The following EIF2A variants were observed in gnomAD, a reference collection of about 807,000 sequenced individuals.
The protein encoded by EIF2A is eukaryotic translation initiation factor 2A.
A neutral mutation model predicts 75.2 loss-of-function variants in EIF2A; 62 were observed. The ratio of observed to expected loss-of-function variants is 0.82; its 90% CI spans 0.67 to 1.02. The LOEUF is 1.02. EIF2A is among the 50% of genes least tolerant of loss of function. The probability of loss-of-function intolerance (pLI) is 0.00; values close to 1 mark genes in which losing one functional copy is unlikely to be tolerated. For synonymous variants in EIF2A, 207 were observed against 239.0 expected (o/e 0.87, Z 1.23); for missense variants, 611 against 677.7 (o/e 0.90, Z 1.09).
intron 2 of EIF2A, among the ~76,000 whole-genome samples, chr3:150,554,610 A>G (rs1723470179): frequency 6.6e-6 from 1 of 152,136 alleles, no homozygotes; most frequent in Non-Finnish European, 1.5e-5. Flanking sequence ...CAAATTCCCC[A>G]GTGATACTGA....
intron 12 of EIF2A, 103 bp downstream of exon 12, chr3:150,581,849 T>C: frequency 4.4e-6 from 6 of 1,352,204 alleles, no homozygotes; most frequent in Non-Finnish European, 6.0e-6. Flanking sequence ...AAGAAGTTGG[T>C]ATCAGCAGTT....
At chr3:150,550,488 G>A (rs749695061) in intron 1 of EIF2A, among the ~76,000 whole-genome samples, 1 of 152,070 alleles carries the variant, frequency 6.6e-6, no homozygotes, top group African/African-American at 2.4e-5. Flanking sequence ...AAATTAAACT[G>A]TATATGCTTT....
chr3:150,570,544 T>A (rs1724447081), intron 9 of EIF2A, among the ~76,000 whole-genome samples: 1 of 145,156 alleles, frequency 6.9e-6, no homozygotes, highest in East Asian at 2.0e-4. Flanking sequence ...GCAGTCTTGG[T>A]GACAAAATGA....
intron 1 of EIF2A, among the ~76,000 whole-genome samples, chr3:150,551,882 G>A (rs1048036307): frequency 2.0e-5 from 3 of 151,998 alleles, no homozygotes; most frequent in Non-Finnish European, 2.9e-5. Context: ...TGTTCTCTTA[G>A]TTTGATAAAT....
chr3:150,568,432 AATT>A, intron 9 of EIF2A, 140 bp downstream of exon 9: 1 of 662,130 alleles, frequency 1.5e-6, no homozygotes, highest in Non-Finnish European at 2.3e-6. Flanking sequence ...AATTTTTCTT[AATT>A]AAGAAACTTA....
chr3:150,570,187 G>GA (rs1192759297), intron 9 of EIF2A, among the ~76,000 whole-genome samples: 2 of 151,928 alleles, frequency 1.3e-5, no homozygotes, highest in Admixed American at 6.6e-5. Flanking sequence ...GTACTAAGGG[G>GA]AAAAAATAAT....
chr3:150,564,953 T>TA (rs1337652967), intron 6 of EIF2A: 1 of 177,422 alleles, frequency 5.6e-6, no homozygotes, highest in Non-Finnish European at 1.2e-5. Context: ...TTGCAAATGT[T>TA]ACAATTTTTT....
intron 10 of EIF2A, among the ~76,000 whole-genome samples, chr3:150,574,399 C>A (rs1207451046): frequency 6.6e-6 from 1 of 152,112 alleles, no homozygotes; most frequent in Non-Finnish European, 1.5e-5. Flanking sequence ...CTTCTTGTAT[C>A]ATTTTTCATC....
intron 3 of EIF2A, among the ~76,000 whole-genome samples, chr3:150,562,126 A>C (rs1723904872): frequency 6.6e-6 from 1 of 152,096 alleles, no homozygotes. Context: ...ATTTTTATGA[A>C]AAATGAACAT....
At chr3:150,550,437 G>GTT (rs1418984870) in intron 1 of EIF2A, among the ~76,000 whole-genome samples, 2 of 152,082 alleles carry the variant, frequency 1.3e-5, no homozygotes, top group Non-Finnish European at 2.9e-5. Flanking sequence ...CTGATTTTGT[G>GTT]TTTTTTTCTA....
chr3:150,571,832 G>A (rs939825079), intron 9 of EIF2A, 126 bp from the exon 10 acceptor site: 1 of 807,176 alleles, frequency 1.2e-6, no homozygotes, highest in South Asian at 2.0e-5. Flanking sequence ...GTATTTTAAT[G>A]TTAACATTCC....
chr3:150,547,159 C>T, intron 1 of EIF2A: 1 of 373,316 alleles, frequency 2.7e-6, no homozygotes. Flanking sequence ...TACACGGGCC[C>T]TTGTGAAGTC....
Position 150,567,707 on chromosome 3 carries a change from A to C in EIF2A, c.490A>C (p.Lys164Gln), listed in dbSNP as rs778585415. 6 of 1,544,516 alleles carry C rather than the reference A, an allele frequency of 3.9e-6. No homozygotes were observed. The highest frequency in any genetic ancestry group is 5.3e-6 in the Non-Finnish European group (6 of 1,142,642). The change falls in exon 7 of 14, where the codon AAA (lysine) becomes CAA (glutamine). Residue 164 changes from lysine to glutamine, a missense_variant. By Grantham distance (53) the Lys-to-Gln change is moderately conservative. Coordinates refer to ENST00000460851, the MANE Select transcript of EIF2A (RefSeq NM_032025.5). ...CTTTTTTTTAGACACAATTGCAAAT[A>C]AATTGCATTTGCAAAAAATTAATGA... Reference protein sequence around the residue: ...ENNNFNTIANKLHLQKINDFV... With the variant: ...ENNNFNTIANQLHLQKINDFV...
At chr3:150,558,000 C>T (rs934782793) in intron 2 of EIF2A, among the ~76,000 whole-genome samples, 1 of 152,186 alleles carries the variant, frequency 6.6e-6, no homozygotes, top group African/African-American at 2.4e-5. Context: ...TAAACATCTT[C>T]ACTTCGGAGA....
chr3:150,584,197 AG>A lies in EIF2A; in HGVS notation c.*289del. ...AGACAAGTGTCATTTTTTTTTGTAGAGGGTGATATATACCATGTAAATGAAC... is the reference window on the plus strand; with the variant it reads ...AGACAAGTGTCATTTTTTTTTGTAGAGGTGATATATACCATGTAAATGAAC... On this transcript the variant is annotated 3_prime_UTR_variant, in exon 14 of 14. Transcript: ENST00000460851. 1 of 291,774 alleles carries A rather than the reference AG, an allele frequency of 3.4e-6. No individual in the cohort carries two copies. Among genetic ancestry groups the A allele is most frequent in the Non-Finnish European group, 6.3e-6 (1 of 158,580 alleles). 18.1% of individuals were successfully genotyped at this position (291,774 alleles called of 1,614,324 possible).
Position 150,564,333 on chromosome 3 carries a change from G to A in EIF2A, c.427G>A (p.Ala143Thr). The stretch of plus-strand genomic sequence containing the variant: ...CTGGTCAGAAGATGAAACTCTTTGT[G>A]CCCGCAATGTTAACAATGAAGTTCA... ...PSWSEDETLC[A>T]RNVNNEVHFF... The change falls in exon 6 of 14, where the codon GCC becomes ACC. Residue 143 changes from alanine (A) to threonine (T), a missense_variant. Ala to Thr is a moderately conservative substitution (Grantham distance 58). Coordinates refer to ENST00000460851, the MANE Select transcript of EIF2A (RefSeq NM_032025.5). The A allele has an allele frequency of 6.3e-7, 1 of 1,594,942 alleles. No individual in the cohort carries two copies. Among genetic ancestry groups the A allele is most frequent in the Non-Finnish European group, 8.5e-7 (1 of 1,173,130 alleles).
At chr3:150,559,909 C>T (rs781042540) in intron 3 of EIF2A, among the ~76,000 whole-genome samples, 3 of 152,046 alleles carry the variant, frequency 2.0e-5, no homozygotes, top group Non-Finnish European at 4.4e-5. Context: ...ATTTCTTACT[C>T]TTTTTTTGTG....
intron 3 of EIF2A, chr3:150,558,687 G>A (rs1723699157): frequency 3.5e-6 from 1 of 283,176 alleles, no homozygotes; most frequent in Non-Finnish European, 6.4e-6. Flanking sequence ...ATTAATATAT[G>A]AAAAATATAA....
intron 11 of EIF2A, among the ~76,000 whole-genome samples, chr3:150,578,818 A>T (rs1416428121): frequency 6.6e-6 from 1 of 152,224 alleles, no homozygotes; most frequent in Non-Finnish European, 1.5e-5. Flanking sequence ...CACCTTATCC[A>T]GACCTTCTTA....
Sources: allele counts gnomAD v4.1 joint callset (sites outside exome capture counted in the v4.1 genomes callset), GRCh38; gene constraint gnomAD v4.1.1; transcripts MANE v1.5; gene names NCBI Gene and HGNC (gene_info 2026-07-23, HGNC 2026-07-21).